The following CADM1 variants were observed in gnomAD, a reference collection of about 807,000 sequenced individuals.
The protein encoded by CADM1 is TSLC-1.
CADM1 carries 15 observed loss-of-function variants against 53.1 expected under a neutral mutation model. The observed-to-expected ratio is 0.28, with a 90% CI of 0.19 to 0.44. The LOEUF is 0.44. Ranked by LOEUF, CADM1 falls within the 20% of genes least tolerant of loss-of-function variation. CADM1 has a pLI of 1.00. For missense variants in CADM1, 434 were observed against 611.3 expected (o/e 0.71, Z 3.06); for synonymous variants, 281 against 243.0 (o/e 1.16, Z -1.45).
chr11:115,230,863 C>G (rs189919634), intron 4 of CADM1, among the ~76,000 whole-genome samples: 17 of 152,328 alleles, frequency 1.1e-4, no homozygotes, highest in Admixed American at 6.5e-4. Flanking sequence ...AGCATATAGT[C>G]AACACAGGTG....
intron 10 of CADM1, among the ~76,000 whole-genome samples, chr11:115,187,905 G>GTA (rs1411806086): frequency 6.6e-6 from 1 of 152,214 alleles, no homozygotes; most frequent in Non-Finnish European, 1.5e-5. Context: ...GGGACATGTT[G>GTA]TAGGAGTTTT....
chr11:115,331,683 T>C (rs74422541), intron 1 of CADM1, among the ~76,000 whole-genome samples: 1,699 of 152,050 alleles, frequency 0.011, 35 homozygotes, highest in African/African-American at 0.038. Flanking sequence ...AGAGTAAATA[T>C]GTGCAGAAAA....
chr11:115,342,147 T>C (rs935199430), intron 1 of CADM1, among the ~76,000 whole-genome samples: 1 of 152,168 alleles, frequency 6.6e-6, no homozygotes, highest in African/African-American at 2.4e-5. Flanking sequence ...CTGGAAAGGC[T>C]TTAACTTACC....
chr11:115,479,456 G>C (rs1321579007), intron 1 of CADM1, among the ~76,000 whole-genome samples: 3 of 152,010 alleles, frequency 2.0e-5, no homozygotes, highest in South Asian at 2.1e-4. Context: ...ATCACACATA[G>C]AGCTTCAGAA....
chr11:115,476,284 C>CT (rs1949129098), intron 1 of CADM1, among the ~76,000 whole-genome samples: 1 of 152,076 alleles, frequency 6.6e-6, no homozygotes. Flanking sequence ...GGTTAAAATT[C>CT]AGTTATAAAA....
intron 8 of CADM1, among the ~76,000 whole-genome samples, chr11:115,200,849 G>T (rs1394191303): frequency 6.6e-6 from 1 of 152,174 alleles, no homozygotes; most frequent in Non-Finnish European, 1.5e-5. Context: ...AGGGCGGGGG[G>T]TGGAGTAAGA....
intron 1 of CADM1, among the ~76,000 whole-genome samples, chr11:115,491,305 C>T (rs1949491243): frequency 6.6e-6 from 1 of 152,140 alleles, no homozygotes; most frequent in South Asian, 2.1e-4. Context: ...GTGGCTCATG[C>T]CTGTAATCCC....
At chr11:115,405,966 C>T (rs533860446) in intron 1 of CADM1, among the ~76,000 whole-genome samples, 3 of 152,186 alleles carry the variant, frequency 2.0e-5, no homozygotes, top group South Asian at 2.1e-4. Context: ...CAAAGCTAGG[C>T]GTGGTTCTAT....
intron 10 of CADM1, 184 bp downstream of exon 10, chr11:115,190,704 G>T: frequency 1.8e-6 from 1 of 554,366 alleles, no homozygotes; most frequent in Non-Finnish European, 3.2e-6. Context: ...TATAAATATC[G>T]CTACCACAGA....
chr11:115,283,394 G>A (rs1943639082), intron 1 of CADM1, among the ~76,000 whole-genome samples: 1 of 152,150 alleles, frequency 6.6e-6, no homozygotes, highest in Non-Finnish European at 1.5e-5. Flanking sequence ...CTGCCCCTAA[G>A]CAAACAAGGT....
intron 10 of CADM1, among the ~76,000 whole-genome samples, chr11:115,186,536 A>G (rs978459450): frequency 6.6e-6 from 1 of 152,194 alleles, no homozygotes; most frequent in Non-Finnish European, 1.5e-5. Context: ...CCTGCAAACC[A>G]AAGTCCTCTA....
intron 1 of CADM1, among the ~76,000 whole-genome samples, chr11:115,241,649 G>C (rs144265714): frequency 1.3e-4 from 20 of 152,310 alleles, no homozygotes; most frequent in African/African-American, 4.8e-4. Context: ...TCTCATAAAA[G>C]TGAATAAATG....
At chr11:115,310,249 AATC>A (rs1398626855) in intron 1 of CADM1, among the ~76,000 whole-genome samples, 5 of 152,172 alleles carry the variant, frequency 3.3e-5, no homozygotes, top group African/African-American at 7.2e-5. Context: ...ATTTATCTGG[AATC>A]ATCATGACAG....
intron 1 of CADM1, among the ~76,000 whole-genome samples, chr11:115,381,231 T>A (rs1410199307): frequency 6.6e-6 from 1 of 151,108 alleles, no homozygotes; most frequent in Non-Finnish European, 1.5e-5. Context: ...GGGGTGGAGG[T>A]TGCAGTGAGC....
Position 115,192,645 on chromosome 11 carries a change from T to C in CADM1, c.1112-1704A>G, listed in dbSNP as rs557401496. On this transcript the variant is annotated intron_variant, in intron 9 of 11. Transcript: ENST00000331581. Reference sequence around the variant, plus strand: ...AACAAATATCAAAGCGTCCTACATATGTGCTTGGTGCCCACTGAACCACAT... The same window carrying C: ...AACAAATATCAAAGCGTCCTACATACGTGCTTGGTGCCCACTGAACCACAT... Among the ~76,000 whole-genome samples the C allele has an allele frequency of 2.0e-5, 3 of 152,336 alleles. No homozygotes were observed. The South Asian group carries it at 6.2e-4, about 32-fold the overall frequency.
intron 1 of CADM1, among the ~76,000 whole-genome samples, chr11:115,268,204 G>A (rs543457827): frequency 1.6e-4 from 25 of 152,278 alleles, no homozygotes; most frequent in Admixed American, 6.5e-4. Flanking sequence ...AGAATTATTA[G>A]CTATAGATAA....
intron 5 of CADM1, among the ~76,000 whole-genome samples, chr11:115,223,973 A>AAAAAGAG (rs59495248): frequency 1.1e-5 from 1 of 92,478 alleles, no homozygotes; most frequent in Non-Finnish European, 2.1e-5. Context: ...AAAAAAAAAA[A>AAAAAGAG]AGAGAGAGAG....
intron 1 of CADM1, among the ~76,000 whole-genome samples, chr11:115,362,343 A>T (rs946436295): frequency 6.6e-6 from 1 of 152,066 alleles, no homozygotes; most frequent in Admixed American, 6.6e-5. Context: ...TGGAATGTTG[A>T]TTCTCAAAAA....
intron 1 of CADM1, among the ~76,000 whole-genome samples, chr11:115,301,495 T>C (rs1054698273): frequency 1.3e-5 from 2 of 152,238 alleles, no homozygotes; most frequent in South Asian, 4.1e-4. Flanking sequence ...TCAGAGTCTT[T>C]TGAGAGTGCA....
Sources: allele counts gnomAD v4.1 joint callset (sites outside exome capture counted in the v4.1 genomes callset), GRCh38; gene constraint gnomAD v4.1.1; transcripts MANE v1.5; gene names NCBI Gene and HGNC (gene_info 2026-07-23, HGNC 2026-07-21).